Variants in ABCA5 observed in about 807,000 individuals in gnomAD.
The protein encoded by ABCA5 is ATP binding cassette subfamily A member 5.
ABCA5 carries 163 observed loss-of-function variants against 206.0 expected under a neutral mutation model. The observed-to-expected ratio is 0.79, with a 90% CI of 0.70 to 0.90. The LOEUF (loss-of-function observed/expected upper bound fraction) is 0.90. Ranked by LOEUF, ABCA5 falls within the 40% of genes least tolerant of loss-of-function variation. The probability of loss-of-function intolerance (pLI) is 0.00; values close to 1 mark genes in which losing one functional copy is unlikely to be tolerated. For synonymous variants in ABCA5, 609 were observed against 613.8 expected, an observed-to-expected ratio of 0.99 and a Z score of 0.11; for missense variants, 1,859 against 1,912.9, an observed-to-expected ratio of 0.97 and a Z score of 0.53.
chr17:69,279,484 T>A (rs1226544422), intron 18 of ABCA5, among the ~76,000 whole-genome samples: 1 of 151,530 alleles, frequency 6.6e-6, no homozygotes, highest in Non-Finnish European at 1.5e-5. Flanking sequence ...TTCAATGCCA[T>A]CCCCATCAAG....
rs2075508594 is a variant in ABCA5, at chr17:69,290,037, C to T, written c.1607G>A (p.Gly536Glu). The change falls in exon 13 of 39, where the codon GGG (glycine) becomes GAG (glutamate). Residue 536 changes from glycine (G) to glutamate (E), a missense_variant and splice_region_variant. Transcript: ENST00000392676. ...TCTGTGTCCATATATAGATGCAAAC[C>T]CTAAAAGCAAAATATATATTTAAAT... Reference protein sequence around the residue: ...ILCGLCPPSDGFASIYGHRVS... With the variant: ...ILCGLCPPSDEFASIYGHRVS... 1.3e-6 allele frequency: 2 copies of T among 1,555,624 alleles called. No individual in the cohort carries two copies. The highest frequency in any genetic ancestry group is 4.0e-5 in the Admixed American group (2 of 49,796).
In ABCA5 at chr17:69,304,755, C is replaced by A; in HGVS notation, c.844G>T (p.Ala282Ser). 6.2e-7 allele frequency: 1 copy of A among 1,607,968 alleles called. No homozygotes were observed. Among genetic ancestry groups the A allele is most frequent in the Non-Finnish European group, 8.5e-7 (1 of 1,176,832 alleles). The change falls in exon 7 of 39, where the codon GCA (alanine) becomes TCA (serine). Residue 282 changes from alanine to serine, a missense_variant. Coordinates refer to ENST00000392676, the MANE Select transcript of ABCA5 (RefSeq NM_172232.4). The part of the protein sequence containing the change: ...SLIFLMSLLM[A>S]VIATASLLFP... ...AACAAAGAAGCTGTCGCAATGACTG[C>A]CATAAGAAGGGACATAAGAAAAATT... is the stretch of plus-strand genomic sequence containing the variant.
intron 19 of ABCA5, among the ~76,000 whole-genome samples, chr17:69,276,475 T>TA (rs1272458414): frequency 6.6e-6 from 1 of 152,052 alleles, no homozygotes; most frequent in Non-Finnish European, 1.5e-5. Context: ...TATGCAGCCA[T>TA]AAAAAAGGAT....
rs2075432631 is a variant in ABCA5, at chr17:69,284,851, A to C, written c.2273-779T>G. 2.0e-5 allele frequency among the ~76,000 whole-genome samples: 3 copies of C among 152,216 alleles called. No individual in the cohort carries two copies. The South Asian group carries it at 6.2e-4, about 31-fold the overall frequency. On this transcript the variant is annotated intron_variant, in intron 17 of 38. Coordinates refer to ENST00000392676, the MANE Select transcript of ABCA5 (RefSeq NM_172232.4). The stretch of plus-strand genomic sequence containing the variant: ...TATTATTAGAAAAAGTGCTGACATT[A>C]TGAATTCCCTTAAGAGGTCTTACGG...
intron 7 of ABCA5, among the ~76,000 whole-genome samples, chr17:69,303,857 T>TACATACATATATATAC (rs1321148097): frequency 2.1e-5 from 1 of 47,324 alleles, no homozygotes; most frequent in Admixed American, 3.8e-4. Context: ...TATATATATG[T>TACATACATATATATAC]ATATATATAT....
intron 4 of ABCA5, among the ~76,000 whole-genome samples, chr17:69,308,886 T>C (rs1225995574): frequency 6.6e-6 from 1 of 152,074 alleles, no homozygotes; most frequent in African/African-American, 2.4e-5. Context: ...GTTTCAAATA[T>C]AAAACTAATC....
intron 35 of ABCA5, chr17:69,251,522 A>T (rs998629259): frequency 5.2e-5 from 28 of 534,524 alleles, no homozygotes; most frequent in Non-Finnish European, 7.3e-5. Context: ...ATGCCTAAAA[A>T]TAATATTCCA....
chr17:69,318,970 G>A, intron 1 of ABCA5: 1 of 539,454 alleles, frequency 1.9e-6, no homozygotes. Context: ...TATAAATAAT[G>A]GCTGTTCAGC....
At chr17:69,258,294 G>C (rs1402416048) in intron 28 of ABCA5, among the ~76,000 whole-genome samples, 1 of 151,972 alleles carries the variant, frequency 6.6e-6, no homozygotes, top group Non-Finnish European at 1.5e-5. Flanking sequence ...CAGTTGACTG[G>C]GTGAAGAAAA....
chr17:69,324,701 T>A (rs1182243986), intron 1 of ABCA5, among the ~76,000 whole-genome samples: 1 of 152,152 alleles, frequency 6.6e-6, no homozygotes, highest in Non-Finnish European at 1.5e-5. Flanking sequence ...AAAAGAGATT[T>A]CCAAAATCCA....
At chr17:69,252,016 A>ACTTTTATATTCTTTTTTTTTTTTTTTT (rs71144665) in intron 34 of ABCA5, 150 bp from the exon 35 acceptor site, 1 of 522,848 alleles carries the variant, frequency 1.9e-6, no homozygotes. Context: ...CCCAACTATG[A>ACTTTTATATTCTTTTTTTTTTTTTTTT]TTTTTTTTTT....
intron 17 of ABCA5, among the ~76,000 whole-genome samples, 179 bp downstream of exon 17, chr17:69,285,719 A>AT (rs5821703): frequency 7.9e-5 from 12 of 152,086 alleles, no homozygotes; most frequent in South Asian, 4.1e-4. Flanking sequence ...AAAAAAAAAA[A>AT]TTTTGCTGTG....
At chr17:69,296,195 T>C (rs530861055) in intron 10 of ABCA5, among the ~76,000 whole-genome samples, 1 of 152,278 alleles carries the variant, frequency 6.6e-6, no homozygotes, top group Non-Finnish European at 1.5e-5. Context: ...TTCTACCTTA[T>C]TTTTTTCATA....
chr17:69,313,513 CTGAAA>C (rs1417474590), intron 2 of ABCA5, among the ~76,000 whole-genome samples: 1 of 151,906 alleles, frequency 6.6e-6, no homozygotes, highest in African/African-American at 2.4e-5. Context: ...TTTAGTTTTA[CTGAAA>C]TATTTTAAAA....
intron 1 of ABCA5, among the ~76,000 whole-genome samples, chr17:69,322,641 G>A (rs1486635868): frequency 1.4e-5 from 2 of 141,784 alleles, no homozygotes; most frequent in African/African-American, 2.7e-5. Context: ...CACCTCCCCC[G>A]CAAAATCCAT....
At chr17:69,301,518 G>A (rs564389049) in intron 8 of ABCA5, among the ~76,000 whole-genome samples, 5 of 152,090 alleles carry the variant, frequency 3.3e-5, no homozygotes, top group African/African-American at 1.2e-4. Flanking sequence ...TTAATGTTGT[G>A]CTTCTTTAAC....
At chr17:69,285,520 T>A (rs926350349) in intron 17 of ABCA5, 1 of 153,042 alleles carries the variant, frequency 6.5e-6, no homozygotes, top group Non-Finnish European at 1.5e-5. Flanking sequence ...TAATTCATTA[T>A]GAAATCATGA....
Position 69,270,649 on chromosome 17 carries a change from A to C in ABCA5, c.2994T>G (p.Thr998=), listed in dbSNP as rs924987986. ...GGGTACTCCAGATCTGGATGGTTTC[A>C]GTCACATTTAAATGATAAAGATAGT... ...SNYYLYHLNV[T]ETIQIWSTPF... Residue 998 remains threonine, a synonymous_variant, in exon 22 of 39, where the codon ACT becomes ACG. Coordinates refer to ENST00000392676, the MANE Select transcript of ABCA5 (RefSeq NM_172232.4). The C allele has an allele frequency of 1.2e-6, 2 of 1,602,542 alleles. No individual in the cohort carries two copies. Among genetic ancestry groups the C allele is most frequent in the Non-Finnish European group, 8.5e-7 (1 of 1,175,652 alleles).
At chr17:69,281,776 T>A (rs2075396414) in intron 18 of ABCA5, among the ~76,000 whole-genome samples, 1 of 152,182 alleles carries the variant, frequency 6.6e-6, no homozygotes, top group African/African-American at 2.4e-5. Context: ...TCTAGTAATA[T>A]TTTAAGTTCC....
Sources: gnomAD v4.1 joint callset for allele counts (sites outside exome capture counted in the v4.1 genomes callset) on GRCh38, gnomAD v4.1.1 for gene constraint, MANE v1.5 for transcripts, NCBI Gene and HGNC (gene_info 2026-07-23, HGNC 2026-07-21) for gene names.